Variants in DCUN1D1 observed in about 807,000 individuals in gnomAD.
DCUN1D1 encodes DCN1-like protein 1.
In DCUN1D1, 3 loss-of-function variants were observed where a neutral mutation model predicts 39.0. That is an observed-to-expected ratio of 0.08 (90% CI 0.04 to 0.20). The LOEUF is 0.20. Among genes scored for constraint, DCUN1D1 ranks in the 10% least tolerant of loss-of-function variants. The probability of loss-of-function intolerance (pLI) is 1.00; values close to 1 mark genes in which losing one functional copy is unlikely to be tolerated. For missense variants in DCUN1D1, 158 were observed against 302.4 expected (o/e 0.52, Z 3.54); for synonymous variants, 82 against 96.3 (o/e 0.85, Z 0.87).
At chr3:182,963,168 A>G (rs1486001546) in intron 3 of DCUN1D1, among the ~76,000 whole-genome samples, 2 of 152,192 alleles carry the variant, frequency 1.3e-5, no homozygotes, top group African/African-American at 2.4e-5. Flanking sequence ...ACCTAATTCT[A>G]TAATTTCTCT....
chr3:182,942,520 T>C lies in DCUN1D1; in HGVS notation c.*2574A>G, dbSNP rs1000403156. On this transcript the variant is annotated 3_prime_UTR_variant, in exon 7 of 7. Coordinates refer to ENST00000292782, the MANE Select transcript of DCUN1D1 (RefSeq NM_020640.4). ...TTATATGTGGGCACTTCTAATTTTA[T>C]ACATTTTTCTATTTAAAAAGCATTA... 1.6e-4 allele frequency: 24 copies of C among 151,834 alleles called. No individual in the cohort carries two copies. Among genetic ancestry groups the C allele is most frequent in the African/African-American group, 5.8e-4 (24 of 41,360 alleles). The allele number at this position is 151,834 out of a possible 1,614,324, so 9.4% of individuals were successfully genotyped here. A position where few individuals can be genotyped will look rare whatever the true frequency, so the allele number is the denominator to read the frequency against.
intron 4 of DCUN1D1, among the ~76,000 whole-genome samples, chr3:182,953,856 A>G (rs1004775078): frequency 3.9e-5 from 6 of 152,234 alleles, no homozygotes; most frequent in African/African-American, 7.2e-5. Flanking sequence ...GGTAAAATGT[A>G]AAATGCAAAC....
intron 1 of DCUN1D1, among the ~76,000 whole-genome samples, chr3:182,978,355 C>T (rs956515974): frequency 1.3e-5 from 2 of 151,972 alleles, no homozygotes; most frequent in Non-Finnish European, 2.9e-5. Context: ...TGCCTAACTT[C>T]GATTAGGGCC....
At chr3:182,946,472 G>A (rs1045852162) in intron 6 of DCUN1D1, among the ~76,000 whole-genome samples, 3 of 146,862 alleles carry the variant, frequency 2.0e-5, no homozygotes, top group Non-Finnish European at 3.0e-5. Flanking sequence ...CAGCAGAATC[G>A]CTTGAACCCA....
intron 1 of DCUN1D1, among the ~76,000 whole-genome samples, chr3:182,975,743 CA>C (rs1402486075): frequency 1.4e-5 from 2 of 145,006 alleles, no homozygotes; most frequent in Admixed American, 7.0e-5. Context: ...AGGTGAGGGT[CA>C]GGGGGAGATA....
At chr3:182,951,006 C>CAAAAAAAAA (rs56919089) in intron 4 of DCUN1D1, 21 of 46,766 alleles carry the variant, frequency 4.5e-4, no homozygotes, top group African/African-American at 1.4e-3. Context: ...AACTCTGTCT[C>CAAAAAAAAA]AAAAAAAAAA....
intron 5 of DCUN1D1, 21 bp downstream of exon 5, chr3:182,947,529 A>G: frequency 7.3e-7 from 1 of 1,370,822 alleles, no homozygotes; most frequent in African/African-American, 1.4e-5. Flanking sequence ...ACAGAGAGAA[A>G]TGTAGAAAAT....
At chr3:182,961,101 C>T (rs1241724396) in intron 4 of DCUN1D1, 125 bp downstream of exon 4, 3 of 717,896 alleles carry the variant, frequency 4.2e-6, no homozygotes, top group Non-Finnish European at 4.4e-6. Context: ...TTTCTAATTA[C>T]TTTTCAATAA....
At chr3:182,950,752 C>T (rs1233056090) in intron 4 of DCUN1D1, 1 of 151,736 alleles carries the variant, frequency 6.6e-6, no homozygotes, top group Non-Finnish European at 1.5e-5. Context: ...CGGGTGTAAT[C>T]CCAGCACTTT....
intron 4 of DCUN1D1, among the ~76,000 whole-genome samples, chr3:182,957,751 T>C (rs1297673412): frequency 1.3e-5 from 2 of 151,160 alleles, no homozygotes; most frequent in Non-Finnish European, 2.9e-5. Flanking sequence ...GGCTGGGTAA[T>C]ACCGCAAGTC....
rs1353076522 is a variant in DCUN1D1, at chr3:182,944,453, C to T, written c.*641G>A. 20 of 152,262 alleles carry T rather than the reference C, an allele frequency of 1.3e-4. No individual in the cohort carries two copies. The highest frequency in any genetic ancestry group is 4.8e-4 in the African/African-American group (20 of 41,408). 9.4% of individuals were successfully genotyped at this position (152,262 alleles called of 1,614,324 possible). A position where few individuals can be genotyped will look rare whatever the true frequency, so the allele number is the denominator to read the frequency against. ...GAAATCAAGAGTCTAAAACACAATA[C>T]ATTTTTCAGGTAGGCACCAAGTTAT... On this transcript the variant is annotated 3_prime_UTR_variant, in exon 7 of 7. Coordinates refer to ENST00000292782, the MANE Select transcript of DCUN1D1 (RefSeq NM_020640.4).
At chr3:182,963,666 A>G (rs1235489858) in intron 3 of DCUN1D1, among the ~76,000 whole-genome samples, 2 of 152,228 alleles carry the variant, frequency 1.3e-5, no homozygotes, top group Non-Finnish European at 2.9e-5. Context: ...GAAGTAAATG[A>G]TAAGAATATA....
intron 4 of DCUN1D1, among the ~76,000 whole-genome samples, chr3:182,957,937 CAAAAAA>C (rs34998390): frequency 3.0e-5 from 2 of 67,502 alleles, no homozygotes; most frequent in Non-Finnish European, 5.0e-5. Context: ...GACCCTGCAT[CAAAAAA>C]AAAAAAAAAA....
At chr3:182,973,871 T>C (rs570564240) in intron 1 of DCUN1D1, among the ~76,000 whole-genome samples, 4 of 152,170 alleles carry the variant, frequency 2.6e-5, no homozygotes, top group Non-Finnish European at 5.9e-5. Flanking sequence ...GACTTTTGTA[T>C]ACTTTTCTTA....
At chr3:182,966,670 C>T (rs774983728) in intron 1 of DCUN1D1, among the ~76,000 whole-genome samples, 2 of 152,202 alleles carry the variant, frequency 1.3e-5, no homozygotes, top group Non-Finnish European at 2.9e-5. Context: ...CCCAAGCCGG[C>T]CTCCTAGCAA....
At chr3:182,957,695 C>A (rs1277807377) in intron 4 of DCUN1D1, among the ~76,000 whole-genome samples, 1 of 151,882 alleles carries the variant, frequency 6.6e-6, no homozygotes, top group Non-Finnish European at 1.5e-5. Context: ...AGCACCCTAT[C>A]CTGGTATCAC....
At position 182,938,395 on chromosome 3, in the gene DCUN1D1, G is replaced by T. The variant is rs1725987035; in HGVS notation, c.*6699C>A. The T allele has an allele frequency of 6.7e-6, 1 of 149,876 alleles. No individual in the cohort carries two copies. Among genetic ancestry groups the T allele is most frequent in the African/African-American group, 2.4e-5 (1 of 40,886 alleles). The allele number at this position is 149,876 out of a possible 1,614,324, so 9.3% of individuals were successfully genotyped here. Reference sequence around the variant, plus strand: ...AAAAAGGCACAACTTGAACACTGCTGGGTAGTTATTAACACTAACAAACTG... The same window carrying T: ...AAAAAGGCACAACTTGAACACTGCTTGGTAGTTATTAACACTAACAAACTG... On this transcript the variant is annotated 3_prime_UTR_variant, in exon 7 of 7. Coordinates refer to ENST00000292782, the MANE Select transcript of DCUN1D1 (RefSeq NM_020640.4).
chr3:182,974,472 CAA>C (rs35338278), intron 1 of DCUN1D1, among the ~76,000 whole-genome samples: 1 of 142,250 alleles, frequency 7.0e-6, no homozygotes. Flanking sequence ...TTACTGAGGC[CAA>C]AAAAAAAAAC....
chr3:182,956,513 G>A (rs770325380), intron 4 of DCUN1D1, among the ~76,000 whole-genome samples: 3 of 152,228 alleles, frequency 2.0e-5, no homozygotes, highest in Middle Eastern at 3.4e-3. Flanking sequence ...AGTCTCTCTG[G>A]CTATGAGTTT....
Sources: gnomAD v4.1 joint callset for allele counts (sites outside exome capture counted in the v4.1 genomes callset) on GRCh38, gnomAD v4.1.1 for gene constraint, MANE v1.5 for transcripts, NCBI Gene and HGNC (gene_info 2026-07-23, HGNC 2026-07-21) for gene names.